The following CACNB2 variants were observed in gnomAD, a reference collection of about 807,000 sequenced individuals.
CACNB2 encodes the protein calcium voltage-gated channel auxiliary subunit beta 2.
In CACNB2, 42 loss-of-function variants were observed where a neutral mutation model predicts 73.3. The observed-to-expected ratio is 0.57, with a 90% confidence interval of 0.45 to 0.74. The LOEUF (loss-of-function observed/expected upper bound fraction) is 0.74, where lower values mean the gene tolerates loss of function less well. Among genes scored for constraint, CACNB2 ranks in the 30% least tolerant of loss-of-function variants. CACNB2 has a pLI of 0.00. For synonymous variants in CACNB2, 348 were observed against 310.3 expected, an observed-to-expected ratio of 1.12 and a Z score of -1.28; for missense variants, 940 against 853.0, an observed-to-expected ratio of 1.10 and a Z score of -1.27.
At chr10:18,486,782 A>G (rs1419849222) in intron 3 of CACNB2, among the ~76,000 whole-genome samples, 1 of 152,184 alleles carries the variant, frequency 6.6e-6, no homozygotes, top group Non-Finnish European at 1.5e-5. Flanking sequence ...GGGAGCTTGA[A>G]CAGATGTTTC....
intron 2 of CACNB2, among the ~76,000 whole-genome samples, chr10:18,171,210 G>A (rs576250909): frequency 2.6e-5 from 4 of 152,140 alleles, no homozygotes; most frequent in African/African-American, 7.2e-5. Flanking sequence ...GTCTCTTCTA[G>A]CATGTTTCAC....
At chr10:18,291,451 C>T (rs1353888421) in intron 2 of CACNB2, among the ~76,000 whole-genome samples, 2 of 152,216 alleles carry the variant, frequency 1.3e-5, no homozygotes, top group South Asian at 2.1e-4. Flanking sequence ...TACTCCACTT[C>T]GGATGTTGTG....
At chr10:18,220,235 A>AGAGAGAGAGGGTGG (rs2035723854) in intron 2 of CACNB2, among the ~76,000 whole-genome samples, 1 of 37,560 alleles carries the variant, frequency 2.7e-5, no homozygotes, top group Non-Finnish European at 4.6e-5. Flanking sequence ...ATATATATAG[A>AGAGAGAGAGGGTGG]GAGAGAGAGA....
intron 2 of CACNB2, among the ~76,000 whole-genome samples, chr10:18,195,917 G>C (rs2034604221): frequency 6.6e-6 from 1 of 152,184 alleles, no homozygotes; most frequent in Non-Finnish European, 1.5e-5. Flanking sequence ...TGCATCTGTA[G>C]TCTTCAAAAC....
chr10:18,154,664 C>T (rs1024443419), intron 2 of CACNB2, among the ~76,000 whole-genome samples: 1 of 152,116 alleles, frequency 6.6e-6, no homozygotes, highest in South Asian at 2.1e-4. Flanking sequence ...GACAGGGTTT[C>T]GCCATGTTGG....
intron 4 of CACNB2, among the ~76,000 whole-genome samples, chr10:18,499,380 G>A (rs2050039963): frequency 6.6e-6 from 1 of 151,988 alleles, no homozygotes; most frequent in Non-Finnish European, 1.5e-5. Context: ...CACTTTGGGA[G>A]GCCAAGGTGG....
intron 3 of CACNB2, among the ~76,000 whole-genome samples, chr10:18,495,538 A>T (rs2049742814): frequency 7.0e-6 from 1 of 142,200 alleles, no homozygotes; most frequent in Admixed American, 7.1e-5. Context: ...TTTTAAAAGT[A>T]TAAAAACTGT....
At chr10:18,387,665 A>T (rs145455298) in intron 2 of CACNB2, among the ~76,000 whole-genome samples, 5 of 152,242 alleles carry the variant, frequency 3.3e-5, no homozygotes, top group Admixed American at 1.3e-4. Flanking sequence ...CTAGCACATA[A>T]CATATGCATA....
intron 2 of CACNB2, among the ~76,000 whole-genome samples, chr10:18,244,995 T>C (rs893084901): frequency 6.6e-6 from 1 of 151,766 alleles, no homozygotes. Context: ...GGAGGGGCCA[T>C]GAGCCAAGGA....
At chr10:18,349,308 G>A (rs142569898) in intron 2 of CACNB2, among the ~76,000 whole-genome samples, 15 of 152,306 alleles carry the variant, frequency 9.8e-5, no homozygotes, top group South Asian at 4.1e-4. Flanking sequence ...GTTGAAAGTC[G>A]TTTGTTTAAA....
At chr10:18,491,819 T>TA (rs68179779) in intron 3 of CACNB2, among the ~76,000 whole-genome samples, 1,395 of 65,428 alleles carry the variant, frequency 0.021, 273 homozygotes, top group African/African-American at 0.057. Flanking sequence ...TCAAGTTGGT[T>TA]AAAAAAAAAA....
chr10:18,209,120 A>C (rs1168179648), intron 2 of CACNB2, among the ~76,000 whole-genome samples: 1 of 152,212 alleles, frequency 6.6e-6, no homozygotes, highest in African/African-American at 2.4e-5. Context: ...GCTTGACTGC[A>C]TGTGAAACAT....
At chr10:18,302,485 C>T (rs115541284) in intron 2 of CACNB2, among the ~76,000 whole-genome samples, 4 of 152,002 alleles carry the variant, frequency 2.6e-5, no homozygotes, top group East Asian at 1.9e-4. Flanking sequence ...AGAAACTGTG[C>T]GATATGTACG....
chr10:18,417,879 G>C (rs542026800), intron 3 of CACNB2, among the ~76,000 whole-genome samples: 1 of 151,902 alleles, frequency 6.6e-6, no homozygotes, highest in East Asian at 1.9e-4. Context: ...AAAATGAAAC[G>C]ATTTAAAAAA....
chr10:18,455,793 C>T (rs2047248612), intron 3 of CACNB2, among the ~76,000 whole-genome samples: 1 of 152,144 alleles, frequency 6.6e-6, no homozygotes, highest in Non-Finnish European at 1.5e-5. Context: ...AAGGTCATAA[C>T]CCAGCAAAAG....
At position 18,540,344 on chromosome 10, in the gene CACNB2, A is replaced by G. The variant is rs568986179; in HGVS notation, c.*620A>G. The G allele has an allele frequency of 1.7e-3, 263 of 150,518 alleles. 1 individual carries two copies. The highest frequency in any genetic ancestry group is 2.5e-3 in the Admixed American group (38 of 15,182). 9.3% of individuals were successfully genotyped at this position (150,518 alleles called of 1,614,324 possible). ...CTTATTATATATATAATATATATAT[A>G]TATCAGTTTGATCACACTATTTTAG... On this transcript the variant is annotated 3_prime_UTR_variant, in exon 14 of 14. Coordinates refer to ENST00000324631, the MANE Select transcript of CACNB2 (RefSeq NM_201596.3).
At chr10:18,441,578 A>G (rs2046413006) in intron 3 of CACNB2, among the ~76,000 whole-genome samples, 1 of 152,110 alleles carries the variant, frequency 6.6e-6, no homozygotes, top group Non-Finnish European at 1.5e-5. Flanking sequence ...ATTGACAAAT[A>G]AAAATTGTAT....
At chr10:18,478,181 C>A (rs747609869) in intron 3 of CACNB2, among the ~76,000 whole-genome samples, 1 of 152,196 alleles carries the variant, frequency 6.6e-6, no homozygotes, top group Non-Finnish European at 1.5e-5. Context: ...ATCCTCCCAC[C>A]TCAGCCTCCG....
At chr10:18,265,181 C>T (rs1454844372) in intron 2 of CACNB2, among the ~76,000 whole-genome samples, 1 of 130,674 alleles carries the variant, frequency 7.7e-6, no homozygotes, top group Non-Finnish European at 1.6e-5. Context: ...GATGGAGTCT[C>T]ACTCTGTTGC....
Sources: gnomAD v4.1 joint callset for allele counts (sites outside exome capture counted in the v4.1 genomes callset) on GRCh38, gnomAD v4.1.1 for gene constraint, MANE v1.5 for transcripts, NCBI Gene and HGNC (gene_info 2026-07-23, HGNC 2026-07-21) for gene names.